The following ZNF562 variants were observed in gnomAD, a reference collection of about 807,000 sequenced individuals.
ZNF562 encodes the protein zinc finger protein 562.
A neutral mutation model predicts 17.5 loss-of-function variants in ZNF562; 13 were observed. The ratio of observed to expected loss-of-function variants is 0.74; its 90% confidence interval spans 0.48 to 1.18. ZNF562 has a LOEUF of 1.18. Ranked by LOEUF, ZNF562 falls within the 50% of genes most tolerant of loss-of-function variation. The pLI, the probability that ZNF562 is intolerant of heterozygous loss-of-function variation, is 0.00. For synonymous variants in ZNF562, 163 were observed against 165.4 expected (o/e 0.99, Z 0.11); for missense variants, 481 against 498.5 (o/e 0.96, Z 0.33).
In ZNF562 at chr19:9,653,726, T is replaced by C. The variant is rs200219646; in HGVS notation, c.504A>G (p.Glu168=). The C allele has an allele frequency of 1.1e-5, 18 of 1,613,996 alleles. No individual in the cohort carries two copies. The highest frequency in any genetic ancestry group is 1.5e-5 in the Non-Finnish European group (18 of 1,179,982). The change falls in exon 6 of 6, where the codon GAA becomes GAG. Residue 168 remains glutamate, a synonymous_variant. Coordinates refer to ENST00000453372, the MANE Select transcript of ZNF562 (RefSeq NM_001130031.2). The stretch of plus-strand genomic sequence containing the variant: ...TGGAAAGTTCTTGTCCAATAGAGGC[T>C]TCCTTGTGCACACTGATGCTGTCTT... ...YGKDSISVHK[E]ASIGQELSKF... is the part of the protein sequence containing the mutation.
intron 1 of ZNF562, among the ~76,000 whole-genome samples, chr19:9,667,339 A>G (rs2043988595): frequency 6.6e-6 from 1 of 152,192 alleles, no homozygotes; most frequent in African/African-American, 2.4e-5. Context: ...AAAGTCCCCA[A>G]CAAACTGTGT....
rs956433846 is a variant in ZNF562, at chr19:9,653,937, C to T, written c.349-56G>A. On this transcript the variant is annotated intron_variant, in intron 5 of 5. Coordinates refer to ENST00000453372, the MANE Select transcript of ZNF562 (RefSeq NM_001130031.2). ...TTCAGACATATTAAGAGATTTCACC[C>T]ATCTGAACACAGAAACATTATTTTG... is the stretch of plus-strand genomic sequence containing the variant. 38 of 1,437,388 alleles carry T rather than the reference C, an allele frequency of 2.6e-5. No individual in the cohort carries two copies. In the African/African-American group the frequency reaches 5.0e-4, roughly 19 times the overall value. The allele number at this position is 1,437,388 out of a possible 1,614,324, so 89.0% of individuals were successfully genotyped here.
rs551352627 is a variant in ZNF562 at position 9,656,780 on chromosome 19, T to A, written c.242-127A>T. Reference sequence around the variant, plus strand: ...TGACTCAGGCCCGTAATCCCAGGACTTTGGGAGGCTGAGGTGGGTGGATCA... The same window carrying A: ...TGACTCAGGCCCGTAATCCCAGGACATTGGGAGGCTGAGGTGGGTGGATCA... On this transcript the variant is annotated intron_variant, in intron 4 of 5. Transcript: ENST00000453372. 50 of 846,702 alleles carry A rather than the reference T, an allele frequency of 5.9e-5. No homozygotes were observed. The African/African-American group carries it at 8.7e-4, about 15-fold the overall frequency. 52.4% of individuals were successfully genotyped at this position (846,702 alleles called of 1,614,324 possible). A position where few individuals can be genotyped will look rare whatever the true frequency, so the allele number is the denominator to read the frequency against.
chr19:9,674,943 G>A (rs1377515212), intron 1 of ZNF562, 72 bp downstream of exon 1: 1 of 152,546 alleles, frequency 6.6e-6, no homozygotes, highest in Non-Finnish European at 1.5e-5. Flanking sequence ...AGAGGCTCCT[G>A]GGCGACCACG....
chr19:9,650,310 G>T lies in ZNF562; in HGVS notation c.*2639C>A. On this transcript the variant is annotated 3_prime_UTR_variant, in exon 6 of 6. Coordinates refer to ENST00000453372, the MANE Select transcript of ZNF562 (RefSeq NM_001130031.2). ...TGATTCTTTTCTCTTTCCACATAGA[G>T]AATCAGATAATCTATAAATAATGAC... The T allele has an allele frequency of 6.6e-6, 1 of 151,588 alleles. No homozygotes were observed. The highest frequency in any genetic ancestry group is 1.5e-5 in the Non-Finnish European group (1 of 67,954). The allele number at this position is 151,588 out of a possible 1,614,324, so 9.4% of individuals were successfully genotyped here.
chr19:9,659,548 A>T, intron 2 of ZNF562, 81 bp from the exon 3 acceptor site: 1 of 1,495,848 alleles, frequency 6.7e-7, no homozygotes, highest in Non-Finnish European at 8.9e-7. Flanking sequence ...CTAGCTTGAA[A>T]TTCCCATATG....
In ZNF562 at chr19:9,669,758, A is replaced by ACG. The variant is rs1568282160; in HGVS notation, c.-131+5256_-131+5257insCG. Reference sequence around the variant, plus strand: ...CGCACACACACACACACACACACACACACACACACACACACACAACCAGTC... The same window carrying ACG: ...CGCACACACACACACACACACACACACGCACACACACACACACACAACCAGTC... On this transcript the variant is annotated intron_variant, in intron 1 of 5. Transcript: ENST00000453372. Among the ~76,000 whole-genome samples the ACG allele has an allele frequency of 2.8e-3, 415 of 150,658 alleles. 2 individuals carry two copies. Among genetic ancestry groups the ACG allele is most frequent in the Non-Finnish European group, 4.9e-3 (332 of 67,498 alleles).
chr19:9,658,149 C>T lies in ZNF562; in HGVS notation c.115-14G>A, dbSNP rs1419425245. Reference sequence around the variant, plus strand: ...CGTCACTGAATCCTAAGTCATCAAACACATGCTGGTTTGAGCCAATGAACA... The same window carrying T: ...CGTCACTGAATCCTAAGTCATCAAATACATGCTGGTTTGAGCCAATGAACA... On this transcript the variant is annotated splice_polypyrimidine_tract_variant and intron_variant, in intron 3 of 5. Transcript: ENST00000453372. The T allele has an allele frequency of 3.1e-6, 5 of 1,609,876 alleles. No individual in the cohort carries two copies. Among genetic ancestry groups the T allele is most frequent in the Middle Eastern group, 3.3e-4 (2 of 6,052 alleles).
intron 4 of ZNF562, among the ~76,000 whole-genome samples, chr19:9,657,263 T>A (rs1342975778): frequency 3.4e-5 from 5 of 149,044 alleles, no homozygotes; most frequent in African/African-American, 9.8e-5. Flanking sequence ...AATGATAAAC[T>A]TAACAAAAAA....
In ZNF562 at chr19:9,641,950, T is replaced by C. The variant is rs1255839980; in HGVS notation, c.*10999A>G. 1 of 150,442 alleles carries C rather than the reference T, an allele frequency of 6.6e-6. No homozygotes were observed. The highest frequency in any genetic ancestry group is 1.5e-5 in the Non-Finnish European group (1 of 67,728). 9.3% of individuals were successfully genotyped at this position (150,442 alleles called of 1,614,324 possible). ...TAGGAGCAATTTTTTTTGTAGGCAG[T>C]GGGGTGGACGTTACAAAGTACATTC... On this transcript the variant is annotated 3_prime_UTR_variant, in exon 6 of 6. Coordinates refer to ENST00000453372, the MANE Select transcript of ZNF562 (RefSeq NM_001130031.2).
At position 9,673,010 on chromosome 19, in the gene ZNF562, T is replaced by G. The variant is rs762430926; in HGVS notation, c.-131+2005A>C. Reference sequence around the variant, plus strand: ...TCAAACTCAACTTTCCTGTTCTCCATGCCTCCTTGCCTCTAGTTACTGTAA... The same window carrying G: ...TCAAACTCAACTTTCCTGTTCTCCAGGCCTCCTTGCCTCTAGTTACTGTAA... On this transcript the variant is annotated intron_variant, in intron 1 of 5. Transcript: ENST00000453372. Among the ~76,000 whole-genome samples the G allele has an allele frequency of 2.1e-4, 32 of 152,164 alleles. 1 individual carries two copies. Among genetic ancestry groups the G allele is most frequent in the South Asian group, 1.2e-3 (6 of 4,814 alleles).
intron 5 of ZNF562, 68 bp downstream of exon 5, chr19:9,656,479 A>G: frequency 6.4e-7 from 1 of 1,559,728 alleles, no homozygotes; most frequent in Non-Finnish European, 8.8e-7. Flanking sequence ...ACTGCACTTC[A>G]GCCTGGCAGA....
intron 1 of ZNF562, among the ~76,000 whole-genome samples, chr19:9,673,539 C>A (rs2145061283): frequency 6.6e-6 from 1 of 152,186 alleles, no homozygotes; most frequent in Non-Finnish European, 1.5e-5. Flanking sequence ...CTCAGGTGAT[C>A]CGCCTGCCTC....
intron 2 of ZNF562, among the ~76,000 whole-genome samples, chr19:9,660,479 G>A (rs1469882054): frequency 6.6e-6 from 1 of 151,756 alleles, no homozygotes; most frequent in Admixed American, 6.6e-5. Flanking sequence ...TACAAAATTA[G>A]CCTGTGGTCC....
chr19:9,672,818 C>A (rs915304698), intron 1 of ZNF562, among the ~76,000 whole-genome samples: 4 of 136,192 alleles, frequency 2.9e-5, no homozygotes, highest in Non-Finnish European at 4.6e-5. Context: ...TCGCTCTTGT[C>A]ACCCAGGCTG....
intron 1 of ZNF562, among the ~76,000 whole-genome samples, chr19:9,666,296 C>T (rs1387965032): frequency 6.8e-6 from 1 of 147,684 alleles, no homozygotes; most frequent in Non-Finnish European, 1.5e-5. Context: ...GCACTCCAGC[C>T]TGGGCAACAA....
intron 5 of ZNF562, among the ~76,000 whole-genome samples, chr19:9,655,873 C>T (rs574267758): frequency 1.3e-4 from 19 of 151,188 alleles, no homozygotes; most frequent in East Asian, 3.9e-4. Flanking sequence ...ACTAGGATAA[C>T]GGGTGCCCAC....
rs773708887 is a variant in ZNF562 at position 9,653,218 on chromosome 19, G to A, written c.1012C>T (p.His338Tyr). The change falls in exon 6 of 6, where the codon CAC becomes TAC. Residue 338 changes from histidine to tyrosine, a missense_variant. Physicochemically the swap from His to Tyr is moderately conservative, Grantham distance 83 (BLOSUM62 2). Coordinates refer to ENST00000453372, the MANE Select transcript of ZNF562 (RefSeq NM_001130031.2). ...STHLTQHVRT[H>Y]TGIKPYECKE... is the part of the protein sequence containing the mutation. The stretch of plus-strand genomic sequence containing the variant: ...CATTCATAGGGTTTTATTCCAGTGT[G>A]AGTTCTTACATGTTGAGTAAGGTGA... The A allele has an allele frequency of 3.7e-6, 6 of 1,614,046 alleles. No homozygotes were observed. The highest frequency in any genetic ancestry group is 1.7e-6 in the Non-Finnish European group (2 of 1,180,032).
chr19:9,645,411 CCA>C lies in ZNF562; in HGVS notation c.*7536_*7537del, dbSNP rs2144939593. 1.3e-5 allele frequency: 2 copies of C among 152,256 alleles called. No homozygotes were observed. Among genetic ancestry groups the C allele is most frequent in the African/African-American group, 2.4e-5 (1 of 41,544 alleles). The allele number at this position is 152,256 out of a possible 1,614,324, so 9.4% of individuals were successfully genotyped here. ...GGATTTCCCAGTGGGTCCTGAAGAACCACAGTTTATTGGCTTGTGGGCAAAGG... is the reference window on the plus strand; with the variant it reads ...GGATTTCCCAGTGGGTCCTGAAGAACCAGTTTATTGGCTTGTGGGCAAAGG... On this transcript the variant is annotated 3_prime_UTR_variant, in exon 6 of 6. Coordinates refer to ENST00000453372, the MANE Select transcript of ZNF562 (RefSeq NM_001130031.2).
Sources: allele counts gnomAD v4.1 joint callset (sites outside exome capture counted in the v4.1 genomes callset), GRCh38; gene constraint gnomAD v4.1.1; transcripts MANE v1.5; gene names NCBI Gene and HGNC (gene_info 2026-07-23, HGNC 2026-07-21).